PHLPP1: variants seen among roughly 807,000 people sequenced by gnomAD.
The protein encoded by PHLPP1 is PH domain leucine-rich repeat-containing protein phosphatase 1.
A neutral mutation model predicts 117.2 loss-of-function variants in PHLPP1; 42 were observed. That is an observed-to-expected ratio of 0.36 (90% CI 0.28 to 0.46). PHLPP1 has a LOEUF of 0.46. Ranked by LOEUF, PHLPP1 falls within the 20% of genes least tolerant of loss-of-function variation. The probability of loss-of-function intolerance (pLI) is 1.00; values close to 1 mark genes in which losing one functional copy is unlikely to be tolerated. For synonymous variants in PHLPP1, 1,042 were observed against 970.7 expected (o/e 1.07, Z -1.37); for missense variants, 2,084 against 2,241.9 (o/e 0.93, Z 1.42).
chr18:62,891,030 TA>T (rs1194898272), intron 4 of PHLPP1, among the ~76,000 whole-genome samples: 2 of 152,190 alleles, frequency 1.3e-5, no homozygotes, highest in Non-Finnish European at 2.9e-5. Context: ...GGTTAGGGGA[TA>T]GGGGAGGAAG....
At chr18:62,805,359 A>G (rs1409255950) in intron 1 of PHLPP1, among the ~76,000 whole-genome samples, 1 of 151,810 alleles carries the variant, frequency 6.6e-6, no homozygotes, top group East Asian at 1.9e-4. Flanking sequence ...AGTATAATAT[A>G]CACTGCATAG....
intron 1 of PHLPP1, among the ~76,000 whole-genome samples, chr18:62,800,273 G>A (rs1343614622): frequency 6.6e-6 from 1 of 152,166 alleles, no homozygotes; most frequent in African/African-American, 2.4e-5. Context: ...AGAACAGGTG[G>A]GGAAGGTTTT....
intron 12 of PHLPP1, among the ~76,000 whole-genome samples, chr18:62,957,516 A>G (rs904904526): frequency 2.6e-5 from 4 of 151,372 alleles, no homozygotes; most frequent in Non-Finnish European, 5.9e-5. Flanking sequence ...CCAATTTCTT[A>G]TTCAGTTTCT....
intron 3 of PHLPP1, among the ~76,000 whole-genome samples, chr18:62,841,838 G>A (rs984402716): frequency 6.6e-6 from 1 of 152,102 alleles, no homozygotes; most frequent in Non-Finnish European, 1.5e-5. Flanking sequence ...TAGATTACTG[G>A]TATTGACTAC....
At chr18:62,759,820 T>TC (rs1962198609) in intron 1 of PHLPP1, among the ~76,000 whole-genome samples, 1 of 152,086 alleles carries the variant, frequency 6.6e-6, no homozygotes, top group Non-Finnish European at 1.5e-5. Flanking sequence ...ATATTGTTCC[T>TC]CCCCTCCCCC....
At chr18:62,738,288 C>T (rs555881433) in intron 1 of PHLPP1, among the ~76,000 whole-genome samples, 3 of 151,878 alleles carry the variant, frequency 2.0e-5, no homozygotes, top group East Asian at 3.9e-4. Context: ...CCTGGGAGGC[C>T]GAGCCTGCAG....
intron 4 of PHLPP1, among the ~76,000 whole-genome samples, chr18:62,882,498 A>G (rs974285019): frequency 2.0e-5 from 3 of 152,058 alleles, no homozygotes; most frequent in African/African-American, 7.2e-5. Flanking sequence ...TGACCTCGTG[A>G]TCTGCCTGCC....
chr18:62,736,716 G>C lies in PHLPP1; in HGVS notation c.1576+19457G>C, dbSNP rs370255947. On this transcript the variant is annotated intron_variant, in intron 1 of 16. Coordinates refer to ENST00000262719, the MANE Select transcript of PHLPP1 (RefSeq NM_194449.4). Reference sequence around the variant, plus strand: ...GCATGAGTTTGAAATGGTAATACATGTTAAGCTGACTGCAGCCATCTGTTT... The same window carrying C: ...GCATGAGTTTGAAATGGTAATACATCTTAAGCTGACTGCAGCCATCTGTTT... Among the ~76,000 whole-genome samples the C allele has an allele frequency of 1.1e-3, 168 of 152,310 alleles. 4 individuals are homozygous for C. In the South Asian group the frequency reaches 0.033, roughly 30 times the overall value.
At chr18:62,804,144 CA>C (rs1913867756) in intron 1 of PHLPP1, among the ~76,000 whole-genome samples, 1 of 152,060 alleles carries the variant, frequency 6.6e-6, no homozygotes, top group Non-Finnish European at 1.5e-5. Flanking sequence ...CCTTCTTCAC[CA>C]GGGGGCAGGA....
At chr18:62,774,368 T>C (rs188530996) in intron 1 of PHLPP1, among the ~76,000 whole-genome samples, 277 of 152,318 alleles carry the variant, frequency 1.8e-3, no homozygotes, top group African/African-American at 6.5e-3. Context: ...TTTGAGCCTT[T>C]GTCAGCTGCC....
chr18:62,978,673 G>A lies in PHLPP1; in HGVS notation c.4396G>A (p.Val1466Met), dbSNP rs916426736. ...GGATCGGCCCTCAGATGGGCTGGGC[G>A]TGCCGTCCTCCAGCAGCGGCATGGC... ...IKDRPSDGLGVPSSSSGMASE... is the reference protein window; with the variant it reads ...IKDRPSDGLGMPSSSSGMASE... The change falls in exon 17 of 17, where the codon GTG becomes ATG. Residue 1466 changes from valine to methionine, a missense_variant. This residue lies in a region of PHLPP1 where 1,365 missense variants were observed against 1,605.9 expected (regional missense o/e 0.85). Transcript: ENST00000262719. This position sits in a 1 kb window ranked among gnomAD's most constrained non-coding sequence, Gnocchi z 7.0. The A allele has an allele frequency of 1.5e-5, 24 of 1,613,766 alleles. No homozygotes were observed. The highest frequency in any genetic ancestry group is 8.0e-5 in the African/African-American group (6 of 74,896).
intron 1 of PHLPP1, among the ~76,000 whole-genome samples, chr18:62,801,405 T>C (rs1913778825): frequency 6.6e-6 from 1 of 151,946 alleles, no homozygotes; most frequent in East Asian, 1.9e-4. Context: ...TGAGGTGACA[T>C]GTTTTGCCTG....
intron 1 of PHLPP1, among the ~76,000 whole-genome samples, chr18:62,797,087 T>C (rs1307467508): frequency 6.6e-6 from 1 of 152,252 alleles, no homozygotes; most frequent in Non-Finnish European, 1.5e-5. Context: ...ATAAATCTTA[T>C]TTCATATAAA....
chr18:62,753,521 G>C (rs951973827), intron 1 of PHLPP1, among the ~76,000 whole-genome samples: 3 of 152,194 alleles, frequency 2.0e-5, no homozygotes, highest in Admixed American at 2.0e-4. Context: ...CTGTTCCCTA[G>C]CAGATGTTTC....
At chr18:62,912,192 A>T (rs1003004697) in intron 8 of PHLPP1, among the ~76,000 whole-genome samples, 10 of 147,714 alleles carry the variant, frequency 6.8e-5, no homozygotes, top group Non-Finnish European at 1.3e-4. Flanking sequence ...TGGGAGATAT[A>T]CCTAATGCTA....
intron 1 of PHLPP1, among the ~76,000 whole-genome samples, chr18:62,784,388 G>A (rs191382594): frequency 7.2e-5 from 11 of 152,340 alleles, no homozygotes; most frequent in Admixed American, 7.2e-4. Flanking sequence ...AAAGAAAGCA[G>A]GGACAGAATT....
chr18:62,849,829 A>T (rs1568137188), intron 3 of PHLPP1, among the ~76,000 whole-genome samples: 5 of 90,902 alleles, frequency 5.5e-5, no homozygotes, highest in African/African-American at 1.8e-4. Flanking sequence ...AAAAAAAAAA[A>T]AAAATATATA....
At chr18:62,970,085 CTTTA>C (rs764433843) in intron 14 of PHLPP1, among the ~76,000 whole-genome samples, 8 of 151,566 alleles carry the variant, frequency 5.3e-5, no homozygotes, top group African/African-American at 9.7e-5. Context: ...TTGATTTTAT[CTTTA>C]TTTATTCTTA....
chr18:62,912,474 CTAAT>C lies in PHLPP1; in HGVS notation c.2709-2436_2709-2433del, dbSNP rs372210471. Among the ~76,000 whole-genome samples, 343 of 151,750 alleles carry C rather than the reference CTAAT, an allele frequency of 2.3e-3. 3 individuals are homozygous for C. The highest frequency in any genetic ancestry group is 7.3e-3 in the African/African-American group (304 of 41,392). ...TTAATTAACTTAAATCAGACATTAC[CTAAT>C]TAGTTTTCTTTCCCCACCCACTCCT... On this transcript the variant is annotated intron_variant, in intron 8 of 16. Transcript: ENST00000262719.
Sources: gnomAD v4.1 joint callset for allele counts (sites outside exome capture counted in the v4.1 genomes callset) on GRCh38, gnomAD v4.1.1 for gene constraint, gnomAD v4.1.1 regional missense constraint, Gnocchi (gnomAD v3.1) non-coding constraint, MANE v1.5 for transcripts, NCBI Gene and HGNC (gene_info 2026-07-23, HGNC 2026-07-21) for gene names.